The following TLK1 variants were observed in gnomAD, a reference collection of about 807,000 sequenced individuals.
The protein encoded by TLK1 is serine/threonine-protein kinase tousled-like 1.
TLK1 carries 24 observed loss-of-function variants against 105.3 expected under a neutral mutation model. The ratio of observed to expected loss-of-function variants is 0.23; its 90% CI spans 0.17 to 0.32. The LOEUF (loss-of-function observed/expected upper bound fraction) is 0.32, where lower values mean the gene tolerates loss of function less well. Among genes scored for constraint, TLK1 ranks in the 10% least tolerant of loss-of-function variants. The probability of loss-of-function intolerance (pLI) is 1.00; values close to 1 mark genes in which losing one functional copy is unlikely to be tolerated. For missense variants in TLK1, 558 were observed against 910.5 expected, an observed-to-expected ratio of 0.61 and a Z score of 4.98; for synonymous variants, 321 against 310.4, an observed-to-expected ratio of 1.03 and a Z score of -0.36.
chr2:171,073,505 T>C (rs1688354634), intron 3 of TLK1, among the ~76,000 whole-genome samples: 2 of 152,138 alleles, frequency 1.3e-5, no homozygotes, highest in African/African-American at 4.8e-5. Context: ...TCCTGAAGAA[T>C]TCTGATATAC....
chr2:171,029,969 T>G (rs557582914), intron 11 of TLK1, among the ~76,000 whole-genome samples: 98 of 152,276 alleles, frequency 6.4e-4, no homozygotes, highest in Middle Eastern at 3.4e-3. Context: ...TGGTCTTGAA[T>G]GCCTGGCTTC....
At chr2:171,129,181 T>C (rs1402372164) in intron 1 of TLK1, among the ~76,000 whole-genome samples, 55 of 152,238 alleles carry the variant, frequency 3.6e-4, no homozygotes, top group Admixed American at 3.6e-3. Context: ...AGACTCTTTT[T>C]TGGTTTCATC....
intron 3 of TLK1, among the ~76,000 whole-genome samples, chr2:171,075,769 A>C (rs1688473907): frequency 1.3e-5 from 2 of 152,206 alleles, no homozygotes; most frequent in African/African-American, 4.8e-5. Context: ...TTTAATAATC[A>C]TTAAGAATTC....
Position 171,160,555 on chromosome 2 carries a change from G to C in TLK1, c.-127C>G, listed in dbSNP as rs1433875382. 2 of 1,482,458 alleles carry C rather than the reference G, an allele frequency of 1.3e-6. No homozygotes were observed. The highest frequency in any genetic ancestry group is 2.9e-5 in the African/African-American group (2 of 68,244). 91.8% of individuals were successfully genotyped at this position (1,482,458 alleles called of 1,614,324 possible). A position where few individuals can be genotyped will look rare whatever the true frequency, so the allele number is the denominator to read the frequency against. Reference sequence around the variant, plus strand: ...CGAGAGAGCGAGGGCTGGGAGGGGAGAGTCAAGGGGATGGGGGAGGAAACC... The same window carrying C: ...CGAGAGAGCGAGGGCTGGGAGGGGACAGTCAAGGGGATGGGGGAGGAAACC... On this transcript the variant is annotated 5_prime_UTR_variant, in exon 1 of 21. Transcript: ENST00000431350. This position sits in a 1 kb window ranked among gnomAD's most constrained non-coding sequence, Gnocchi z 4.4.
chr2:171,170,369 TTGAAAATAAATTAGCTAA>T lies in TLK1; in HGVS notation c.-5-52530_-5-52513del, dbSNP rs1259268855. On this transcript the variant is annotated intron_variant, in intron 1 of 20. Coordinates refer to the TLK1 transcript ENST00000521943. ...TCAATAGATACAACAATTCACAAAA[TTGAAAATAAATTAGCTAA>T]CTATGGGAGTGTTGCAGAACCACTA... Among the ~76,000 whole-genome samples the T allele has an allele frequency of 3.0e-4, 45 of 152,162 alleles. 1 individual carries two copies. The highest frequency in any genetic ancestry group is 1.0e-3 in the African/African-American group (43 of 41,420).
intron 1 of TLK1, among the ~76,000 whole-genome samples, chr2:171,216,021 T>C (rs1438325363): frequency 6.6e-6 from 1 of 152,186 alleles, no homozygotes; most frequent in African/African-American, 2.4e-5. Context: ...TTAATCCTTA[T>C]AACAATTCTG....
intron 8 of TLK1, among the ~76,000 whole-genome samples, chr2:171,052,970 TAG>T (rs1420858942): frequency 3.3e-5 from 5 of 152,148 alleles, no homozygotes; most frequent in African/African-American, 7.2e-5. Flanking sequence ...CCCCTCAGGG[TAG>T]AGTTTCAGGC....
At chr2:171,141,303 A>G (rs1691564581) in intron 1 of TLK1, among the ~76,000 whole-genome samples, 1 of 152,232 alleles carries the variant, frequency 6.6e-6, no homozygotes, top group Non-Finnish European at 1.5e-5. Context: ...CCATCTGCCA[A>G]TAGAGTAACT....
intron 1 of TLK1, among the ~76,000 whole-genome samples, chr2:171,197,219 C>T (rs768322927): frequency 6.6e-6 from 1 of 151,894 alleles, no homozygotes; most frequent in Non-Finnish European, 1.5e-5. Context: ...TTTAGAAAAG[C>T]GCTCATACAT....
intron 1 of TLK1, among the ~76,000 whole-genome samples, chr2:171,190,830 T>A (rs1417419000): frequency 6.6e-6 from 1 of 152,240 alleles, no homozygotes; most frequent in African/African-American, 2.4e-5. Context: ...TTTATTGTGA[T>A]TTCTTTCCTT....
rs138855510 is a variant in TLK1, at chr2:171,207,238, G to C, written c.-6+23907C>G. Among the ~76,000 whole-genome samples the C allele has an allele frequency of 3.8e-3, 578 of 152,326 alleles. 7 individuals are homozygous for C. The highest frequency in any genetic ancestry group is 0.013 in the African/African-American group (522 of 41,576). ...AAAAATAAATGAGTTATCAAGCCAT[G>C]AAAAGACATGGATGAAACTAAAATA... On this transcript the variant is annotated intron_variant, in intron 1 of 20. Transcript: ENST00000521943.
At chr2:171,209,480 G>C (rs1156274116) in intron 1 of TLK1, among the ~76,000 whole-genome samples, 1 of 152,074 alleles carries the variant, frequency 6.6e-6, no homozygotes, top group Admixed American at 6.6e-5. Context: ...AAGAAAAGCA[G>C]GTTATAAGAA....
At position 171,009,291 on chromosome 2, in the gene TLK1, C is replaced by CTTTTTTTTTT. The variant is rs71008743; in HGVS notation, c.1416+2072_1416+2081dup. Among the ~76,000 whole-genome samples the CTTTTTTTTTT allele has an allele frequency of 1.7e-4, 13 of 74,840 alleles. 2 individuals carry two copies. The highest frequency in any genetic ancestry group is 7.3e-4 in the African/African-American group (12 of 16,384). 49.1% of individuals were successfully genotyped at this position (74,840 alleles called of 152,430 possible). A position where few individuals can be genotyped will look rare whatever the true frequency, so the allele number is the denominator to read the frequency against. On this transcript the variant is annotated intron_variant, in intron 14 of 20. Transcript: ENST00000431350. The stretch of plus-strand genomic sequence containing the variant: ...CATGCAACAGTCAGGATTTCTTTTC[C>CTTTTTTTTTT]TTTTTTTTTTTTTTTTTTTTTTTTT...
intron 1 of TLK1, among the ~76,000 whole-genome samples, chr2:171,173,769 A>T (rs1692771869): frequency 6.6e-6 from 1 of 152,052 alleles, no homozygotes; most frequent in Non-Finnish European, 1.5e-5. Flanking sequence ...GACCCTATGC[A>T]TCTCCCCTTG....
intron 1 of TLK1, among the ~76,000 whole-genome samples, chr2:171,195,445 G>T (rs981759966): frequency 4.9e-5 from 7 of 143,590 alleles, no homozygotes; most frequent in Non-Finnish European, 1.0e-4. Context: ...GGAGCTTGCA[G>T]TCAGCCCAGA....
Position 171,053,457 on chromosome 2 carries a change from G to A in TLK1, c.732+304C>T, listed in dbSNP as rs140003246. On this transcript the variant is annotated intron_variant, in intron 8 of 20. Coordinates refer to ENST00000431350, the MANE Select transcript of TLK1 (RefSeq NM_012290.5). ...AGCTCACTGCAATCTCCACCTCCCG[G>A]GTTCAAGCATTTCTGCTGCCTCAGC... 4.7e-3 allele frequency among the ~76,000 whole-genome samples: 716 copies of A among 152,024 alleles called. 8 individuals carry two copies. Among genetic ancestry groups the A allele is most frequent in the African/African-American group, 0.017 (686 of 41,474 alleles).
chr2:171,055,083 C>T lies in TLK1; in HGVS notation c.639G>A (p.Gln213=). ...AAAAAACATTTTAATTATCATTTACCTGAATAATTTTAAAGGATAATTGCT... is the reference window on the plus strand; with the variant it reads ...AAAAAACATTTTAATTATCATTTACTTGAATAATTTTAAAGGATAATTGCT... ...QPKQLSFKII[Q]TDLTMLKLAA... is the part of the protein sequence containing the mutation. Residue 213 remains glutamine, a splice_region_variant and synonymous_variant, in exon 7 of 21, where the codon CAG becomes CAA. Coordinates refer to ENST00000431350, the MANE Select transcript of TLK1 (RefSeq NM_012290.5). 6.9e-7 allele frequency: 1 copy of T among 1,454,492 alleles called. No individual in the cohort carries two copies. Among genetic ancestry groups the T allele is most frequent in the Non-Finnish European group, 9.1e-7 (1 of 1,104,002 alleles). The allele number at this position is 1,454,492 out of a possible 1,614,324, so 90.1% of individuals were successfully genotyped here.
chr2:171,029,240 A>T (rs1020833043), intron 11 of TLK1, among the ~76,000 whole-genome samples: 7 of 152,096 alleles, frequency 4.6e-5, no homozygotes, highest in Non-Finnish European at 1.0e-4. Flanking sequence ...GGCAGTTTTT[A>T]AAAAGAGGAA....
At chr2:171,019,295 C>A (rs1218055447) in intron 12 of TLK1, among the ~76,000 whole-genome samples, 1 of 152,088 alleles carries the variant, frequency 6.6e-6, no homozygotes, top group Middle Eastern at 3.2e-3. Context: ...TGTAGAATTT[C>A]TGTAAAATTC....
Sources: allele counts gnomAD v4.1 joint callset (sites outside exome capture counted in the v4.1 genomes callset), GRCh38; gene constraint gnomAD v4.1.1; non-coding constraint Gnocchi (gnomAD v3.1); transcripts MANE v1.5; gene names NCBI Gene and HGNC (gene_info 2026-07-23, HGNC 2026-07-21).